Variants in CHN1 observed in about 807,000 individuals in gnomAD.
CHN1 encodes the protein chimerin 1.
In CHN1, 37 loss-of-function variants were observed where a neutral mutation model predicts 59.5. The observed-to-expected ratio is 0.62, with a 90% CI of 0.48 to 0.82. The LOEUF (loss-of-function observed/expected upper bound fraction) is 0.82. Among genes scored for constraint, CHN1 ranks in the 40% least tolerant of loss-of-function variants. CHN1 has a pLI of 0.00. For synonymous variants in CHN1, 206 were observed against 200.4 expected, an observed-to-expected ratio of 1.03 and a Z score of -0.24; for missense variants, 469 against 571.0, an observed-to-expected ratio of 0.82 and a Z score of 1.82.
chr2:174,837,192 T>C (rs982590113), intron 7 of CHN1: 2 of 152,162 alleles, frequency 1.3e-5, no homozygotes, highest in Admixed American at 6.6e-5. Flanking sequence ...AGTAATGAGC[T>C]GTAACAGCAA....
At chr2:174,931,303 T>C (rs1316627601) in intron 3 of CHN1, among the ~76,000 whole-genome samples, 5 of 152,192 alleles carry the variant, frequency 3.3e-5, no homozygotes, top group African/African-American at 1.2e-4. Context: ...AGCATGTGAA[T>C]CTTTATTTTT....
chr2:174,915,120 A>G lies in CHN1; in HGVS notation c.198T>C (p.Ala66=). 1 of 1,612,564 alleles carries G rather than the reference A, an allele frequency of 6.2e-7. No homozygotes were observed. The highest frequency in any genetic ancestry group is 8.5e-7 in the Non-Finnish European group (1 of 1,179,358). Residue 66 remains alanine (A), a synonymous_variant, in exon 5 of 13, where the codon GCT becomes GCC. Transcript: ENST00000409900. ...TCTCCCGGATGAGGTAGCTCCCCTC[A>G]GCCACAATCAAGAGCTGGTCGGCTG... ...REAADQLLIV[A]EGSYLIRESQ... is the part of the protein sequence containing the mutation.
chr2:174,910,654 A>C (rs905871355), intron 5 of CHN1, among the ~76,000 whole-genome samples: 1 of 152,180 alleles, frequency 6.6e-6, no homozygotes, highest in African/African-American at 2.4e-5. Flanking sequence ...AGCAAGAAAA[A>C]AATTAGTTCT....
In CHN1 at chr2:174,859,615, AT is replaced by A. The variant is rs376042010; in HGVS notation, c.550-12659del. Among the ~76,000 whole-genome samples, 48 of 152,316 alleles carry A rather than the reference AT, an allele frequency of 3.2e-4. 1 individual carries two copies. The South Asian group carries it at 7.9e-3, about 25-fold the overall frequency. Reference sequence around the variant, plus strand: ...CACAAAGTGATATGTCATATATACTATTTCATTGTAACTTCCTATTCTTGTT... The same window carrying A: ...CACAAAGTGATATGTCATATATACTATTCATTGTAACTTCCTATTCTTGTT... On this transcript the variant is annotated intron_variant, in intron 6 of 12. Coordinates refer to ENST00000409900, the MANE Select transcript of CHN1 (RefSeq NM_001822.7).
At chr2:174,911,847 T>G (rs1214534194) in intron 5 of CHN1, among the ~76,000 whole-genome samples, 1 of 152,180 alleles carries the variant, frequency 6.6e-6, no homozygotes, top group Non-Finnish European at 1.5e-5. Flanking sequence ...CTTACAACCT[T>G]GCTGATCACA....
chr2:174,896,227 C>T (rs1340964719), intron 5 of CHN1, among the ~76,000 whole-genome samples: 1 of 152,048 alleles, frequency 6.6e-6, no homozygotes, highest in African/African-American at 2.4e-5. Flanking sequence ...AATACTGCTA[C>T]ATAACGCATT....
chr2:174,981,113 T>C (rs1024699195), intron 1 of CHN1, among the ~76,000 whole-genome samples: 3 of 152,210 alleles, frequency 2.0e-5, no homozygotes, highest in Admixed American at 2.0e-4. Context: ...TTTTTCAATG[T>C]GCTCAAAGAT....
At chr2:174,844,821 T>C (rs1272776615) in intron 7 of CHN1, among the ~76,000 whole-genome samples, 1 of 152,194 alleles carries the variant, frequency 6.6e-6, no homozygotes, top group African/African-American at 2.4e-5. Flanking sequence ...TCTGACCTTA[T>C]TAGCAACTCT....
intron 5 of CHN1, among the ~76,000 whole-genome samples, chr2:174,885,283 G>GAAAAA (rs1296078594): frequency 4.1e-5 from 6 of 145,804 alleles, no homozygotes; most frequent in African/African-American, 1.5e-4. Context: ...TCAAAAAAAA[G>GAAAAA]AAAAAAAAAT....
rs912188350 is a variant in CHN1 at position 175,004,810 on chromosome 2, G to C, written c.19+84C>G. 82 of 847,902 alleles carry C rather than the reference G, an allele frequency of 9.7e-5. No individual in the cohort carries two copies. In the African/African-American group the frequency reaches 1.5e-3, roughly 15 times the overall value. 52.5% of individuals were successfully genotyped at this position (847,902 alleles called of 1,614,324 possible). The stretch of plus-strand genomic sequence containing the variant: ...ACCCCACGCGCCGCGCCCCCTCCCC[G>C]GGCGCCCAGGCCCCCCAGGCCCCCG... On this transcript the variant is annotated intron_variant, in intron 1 of 12. Coordinates refer to ENST00000409900, the MANE Select transcript of CHN1 (RefSeq NM_001822.7).
At chr2:174,996,176 T>C (rs974923880) in intron 1 of CHN1, among the ~76,000 whole-genome samples, 2 of 152,176 alleles carry the variant, frequency 1.3e-5, no homozygotes, top group African/African-American at 4.8e-5. Context: ...CATTGCCTGT[T>C]GAACAGGGTA....
intron 1 of CHN1, among the ~76,000 whole-genome samples, chr2:174,990,262 T>TGTGAGA (rs1347961292): frequency 6.7e-5 from 6 of 89,388 alleles, no homozygotes; most frequent in African/African-American, 2.8e-4. Context: ...TGTGTGTGTG[T>TGTGAGA]GAGAGAGAGA....
intron 11 of CHN1, among the ~76,000 whole-genome samples, chr2:174,804,136 G>A (rs541096989): frequency 4.3e-4 from 66 of 152,294 alleles, no homozygotes; most frequent in Admixed American, 5.9e-4. Context: ...TGTTGGGGGC[G>A]TTGCAATTTT....
chr2:174,912,238 A>G (rs1688724970), intron 5 of CHN1, among the ~76,000 whole-genome samples: 1 of 152,270 alleles, frequency 6.6e-6, no homozygotes, highest in African/African-American at 2.4e-5. Context: ...CAATTTTCAC[A>G]GCAGAAAATA....
chr2:174,934,041 A>T (rs1265889650), intron 3 of CHN1, among the ~76,000 whole-genome samples: 1 of 152,194 alleles, frequency 6.6e-6, no homozygotes, highest in Non-Finnish European at 1.5e-5. Flanking sequence ...ACCAGGGACC[A>T]GTTTCGTGGG....
intron 6 of CHN1, among the ~76,000 whole-genome samples, chr2:174,873,461 C>T (rs1390962698): frequency 1.3e-5 from 2 of 152,168 alleles, no homozygotes; most frequent in African/African-American, 4.8e-5. Flanking sequence ...TTAAGTATCA[C>T]CTTACTGCTG....
At chr2:174,871,487 T>C (rs1468468865) in intron 6 of CHN1, among the ~76,000 whole-genome samples, 2 of 152,300 alleles carry the variant, frequency 1.3e-5, no homozygotes, top group South Asian at 4.1e-4. Flanking sequence ...CAACTGTTCA[T>C]ATAAAACTCA....
chr2:174,941,185 C>T (rs1407119594), intron 3 of CHN1, among the ~76,000 whole-genome samples: 1 of 152,128 alleles, frequency 6.6e-6, no homozygotes, highest in Non-Finnish European at 1.5e-5. Flanking sequence ...ATGTTTCCAT[C>T]AGTTTTTGAG....
intron 5 of CHN1, among the ~76,000 whole-genome samples, chr2:174,889,852 T>C (rs573118105): frequency 1.3e-5 from 2 of 152,010 alleles, no homozygotes; most frequent in Admixed American, 1.3e-4. Flanking sequence ...TTTAAGAAGC[T>C]TGAAGAATTC....
Sources: gnomAD v4.1 joint callset for allele counts (sites outside exome capture counted in the v4.1 genomes callset) on GRCh38, gnomAD v4.1.1 for gene constraint, MANE v1.5 for transcripts, NCBI Gene and HGNC (gene_info 2026-07-23, HGNC 2026-07-21) for gene names.